The following ALG14 variants were observed in gnomAD, a reference collection of about 807,000 sequenced individuals.
ALG14 encodes UDP-N-acetylglucosamine transferase subunit ALG14.
A neutral mutation model predicts 22.8 loss-of-function variants in ALG14; 17 were observed. The ratio of observed to expected loss-of-function variants is 0.75; its 90% CI spans 0.51 to 1.12. The LOEUF is 1.12. ALG14 is among the 50% of genes most tolerant of loss of function. The pLI is 0.00. For missense variants in ALG14, 288 were observed against 271.8 expected (o/e 1.06, Z -0.42); for synonymous variants, 89 against 103.7 (o/e 0.86, Z 0.86).
chr1:95,004,215 CTTTTTT>C (rs869303546), intron 3 of ALG14, among the ~76,000 whole-genome samples: 54 of 117,080 alleles, frequency 4.6e-4, no homozygotes, highest in African/African-American at 1.9e-3. Flanking sequence ...GGGTAATTAA[CTTTTTT>C]TTTTTTTTTT....
At chr1:95,017,275 C>T (rs1673531014) in intron 3 of ALG14, among the ~76,000 whole-genome samples, 1 of 152,202 alleles carries the variant, frequency 6.6e-6, no homozygotes, top group African/African-American at 2.4e-5. Flanking sequence ...CTAACTCCTG[C>T]AATGCTTAAC....
chr1:95,064,124 T>C (rs1460675416), intron 2 of ALG14, among the ~76,000 whole-genome samples: 1 of 152,202 alleles, frequency 6.6e-6, no homozygotes. Flanking sequence ...TTCTGCACAT[T>C]GATTTTGTTT....
chr1:95,038,470 A>G (rs1323481026), intron 2 of ALG14, among the ~76,000 whole-genome samples: 1 of 152,022 alleles, frequency 6.6e-6, no homozygotes, highest in East Asian at 1.9e-4. Flanking sequence ...GTCTGGTGAC[A>G]GAGTGAGACT....
At chr1:94,997,016 CCA>C (rs1672926335) in intron 3 of ALG14, among the ~76,000 whole-genome samples, 1 of 152,022 alleles carries the variant, frequency 6.6e-6, no homozygotes, top group African/African-American at 2.4e-5. Flanking sequence ...TTGAGAGCAT[CCA>C]GAGAATATGG....
chr1:95,026,961 G>A (rs1346151367), intron 3 of ALG14, among the ~76,000 whole-genome samples, 168 bp downstream of exon 3: 2 of 152,180 alleles, frequency 1.3e-5, no homozygotes, highest in Non-Finnish European at 2.9e-5. Flanking sequence ...ATTTCTTACA[G>A]TTCTGGAGCC....
intron 3 of ALG14, among the ~76,000 whole-genome samples, chr1:95,013,505 G>A (rs1177521389): frequency 2.6e-5 from 4 of 152,004 alleles, no homozygotes; most frequent in Non-Finnish European, 1.5e-5. Context: ...ATTTTTAGTA[G>A]AGATGGGGTT....
intron 3 of ALG14, among the ~76,000 whole-genome samples, chr1:95,000,274 G>T (rs1164528573): frequency 1.3e-5 from 2 of 152,040 alleles, no homozygotes; most frequent in African/African-American, 4.8e-5. Flanking sequence ...AGTGGCTCAT[G>T]CTTGTAATAC....
intron 2 of ALG14, among the ~76,000 whole-genome samples, chr1:95,052,575 G>A (rs1571658444): frequency 1.3e-5 from 2 of 151,976 alleles, no homozygotes; most frequent in South Asian, 4.2e-4. Context: ...AATGTGTAAG[G>A]GGCCAGGCGC....
intron 2 of ALG14, among the ~76,000 whole-genome samples, chr1:95,044,683 C>A (rs1319257978): frequency 1.3e-5 from 2 of 152,126 alleles, no homozygotes; most frequent in Non-Finnish European, 2.9e-5. Flanking sequence ...GCACTGATCA[C>A]CTTCTAACAG....
intron 3 of ALG14, among the ~76,000 whole-genome samples, chr1:94,995,530 T>C (rs1444396163): frequency 2.6e-5 from 4 of 152,156 alleles, no homozygotes. Flanking sequence ...CTGGCCAACA[T>C]GGTAAAACTC....
intron 2 of ALG14, among the ~76,000 whole-genome samples, chr1:95,048,442 A>C (rs1048094404): frequency 2.0e-5 from 3 of 152,178 alleles, no homozygotes; most frequent in African/African-American, 7.2e-5. Context: ...TTGGTTGCCA[A>C]GGGAGGCAGT....
At chr1:94,992,991 G>A (rs1007230360) in intron 3 of ALG14, among the ~76,000 whole-genome samples, 2 of 151,294 alleles carry the variant, frequency 1.3e-5, no homozygotes, top group Non-Finnish European at 2.9e-5. Context: ...TGGAACAAAG[G>A]CCAGAGCCTT....
At position 94,980,505 on chromosome 1, in the gene ALG14, A is replaced by G. The variant is rs894667466; in HGVS notation, c.*2571T>C. ...CTCCTACAGTAAAAGTTGCATTCAG[A>G]GTGTTCTAAGAGAAACTGGAAGGGA... On this transcript the variant is annotated 3_prime_UTR_variant, in exon 4 of 4. Transcript: ENST00000370205. 3 of 152,200 alleles carry G rather than the reference A, an allele frequency of 2.0e-5. No homozygotes were observed. Among genetic ancestry groups the G allele is most frequent in the African/African-American group, 7.2e-5 (3 of 41,450 alleles). 9.4% of individuals were successfully genotyped at this position (152,200 alleles called of 1,614,324 possible).
In ALG14 at chr1:95,027,165, G is replaced by A. The variant is rs750286289; in HGVS notation, c.384C>T (p.Leu128=). The A allele has an allele frequency of 4.3e-6, 7 of 1,614,116 alleles. No individual in the cohort carries two copies. The South Asian group carries it at 6.6e-5, about 15-fold the overall frequency. ...TCACCCTGTGAATTAGGGGAAAGGA[G>A]AGCCACATGGAGTGCAAGGTGGTGA... ...TVFTTLHSMW[L]SFPLIHRVKP... is the part of the protein sequence containing the mutation. Residue 128 remains leucine (L), a synonymous_variant, in exon 3 of 4, where the codon CTC becomes CTT. Transcript: ENST00000370205.
chr1:94,980,148 G>C lies in ALG14; in HGVS notation c.*2928C>G, dbSNP rs1672470687. The C allele has an allele frequency of 6.6e-6, 1 of 152,064 alleles. No individual in the cohort carries two copies. Among genetic ancestry groups the C allele is most frequent in the African/African-American group, 2.4e-5 (1 of 41,404 alleles). The allele number at this position is 152,064 out of a possible 1,614,324, so 9.4% of individuals were successfully genotyped here. On this transcript the variant is annotated 3_prime_UTR_variant, in exon 4 of 4. Transcript: ENST00000370205. ...TTAACTTACCATGTATCTTTGAAAG[G>C]TAGAATGATGTGTTCCAAGTTGCTT...
chr1:94,986,673 A>G (rs1672652806), intron 3 of ALG14, among the ~76,000 whole-genome samples: 1 of 151,114 alleles, frequency 6.6e-6, no homozygotes, highest in South Asian at 2.1e-4. Context: ...GGGTTTCACC[A>G]TGTTGGCCAG....
At chr1:94,991,230 G>A (rs541223447) in intron 3 of ALG14, among the ~76,000 whole-genome samples, 110 of 152,232 alleles carry the variant, frequency 7.2e-4, no homozygotes, top group Non-Finnish European at 1.4e-3. Flanking sequence ...ACATTCCAGT[G>A]AGTAGGCAGA....
chr1:95,065,137 T>G, intron 1 of ALG14, 120 bp from the exon 2 acceptor site: 1 of 803,478 alleles, frequency 1.2e-6, no homozygotes. Flanking sequence ...AATTGTATAT[T>G]TCTCAGAAGA....
chr1:95,016,969 G>GTGTGTA (rs1553227029), intron 3 of ALG14, among the ~76,000 whole-genome samples: 3 of 150,772 alleles, frequency 2.0e-5, no homozygotes, highest in African/African-American at 4.9e-5. Flanking sequence ...GTGTGTGTGT[G>GTGTGTA]TGTGTGTGTG....
Sources: allele counts gnomAD v4.1 joint callset (sites outside exome capture counted in the v4.1 genomes callset), GRCh38; gene constraint gnomAD v4.1.1; transcripts MANE v1.5; gene names NCBI Gene and HGNC (gene_info 2026-07-23, HGNC 2026-07-21).